The following SLAIN2 variants were observed in gnomAD, a reference collection of about 807,000 sequenced individuals.
SLAIN2 encodes SLAIN family member 2.
Under a neutral mutation model 56.6 loss-of-function variants are expected in SLAIN2, and 31 were observed. The ratio of observed to expected loss-of-function variants is 0.55; its 90% CI spans 0.41 to 0.74. The LOEUF is 0.74. SLAIN2 is among the 30% of genes least tolerant of loss of function. The pLI is 0.00. For synonymous variants in SLAIN2, 317 were observed against 284.9 expected (o/e 1.11, Z -1.13); for missense variants, 777 against 754.2 (o/e 1.03, Z -0.35).
rs769300926 is a variant in SLAIN2 at position 48,369,642 on chromosome 4, G to C, written c.390-207G>C. ...CACCTACTTTAGGAATACCTCATTT[G>C]GGTTCACTTAGTACTTGGAATTTGG... On this transcript the variant is annotated intron_variant, in intron 1 of 7. Transcript: ENST00000264313. Among the ~76,000 whole-genome samples, 118 of 152,036 alleles carry C rather than the reference G, an allele frequency of 7.8e-4. 2 individuals are homozygous for C. Among genetic ancestry groups the C allele is most frequent in the African/African-American group, 1.2e-3 (50 of 41,390 alleles).
At chr4:48,387,059 A>G (rs144172603) in intron 6 of SLAIN2, among the ~76,000 whole-genome samples, 6 of 152,298 alleles carry the variant, frequency 3.9e-5, no homozygotes, top group East Asian at 3.9e-4. Flanking sequence ...TTTACATGAT[A>G]CATGTCCAAA....
At chr4:48,398,211 T>G (rs1716459318) in intron 6 of SLAIN2, among the ~76,000 whole-genome samples, 1 of 152,196 alleles carries the variant, frequency 6.6e-6, no homozygotes, top group African/African-American at 2.4e-5. Flanking sequence ...AGATGGTATC[T>G]CATTGTTGTT....
At chr4:48,361,899 C>A (rs545156422) in intron 1 of SLAIN2, among the ~76,000 whole-genome samples, 182 of 152,124 alleles carry the variant, frequency 1.2e-3, no homozygotes, top group Non-Finnish European at 1.9e-3. Context: ...TAAATTTATT[C>A]CTGAGTATTT....
intron 7 of SLAIN2, 186 bp downstream of exon 7, chr4:48,420,629 A>G: frequency 1.3e-6 from 1 of 764,930 alleles, no homozygotes; most frequent in East Asian, 2.7e-5. Context: ...TGGGACTTTT[A>G]CCAGTTTGGT....
intron 2 of SLAIN2, among the ~76,000 whole-genome samples, chr4:48,374,257 G>A (rs1223011433): frequency 6.6e-6 from 1 of 152,034 alleles, no homozygotes; most frequent in Non-Finnish European, 1.5e-5. Flanking sequence ...TTTTTTTGGA[G>A]ACGGAGTCTT....
At chr4:48,394,742 G>C in intron 6 of SLAIN2, 5 of 923,004 alleles carry the variant, frequency 5.4e-6, no homozygotes, top group Non-Finnish European at 8.1e-6. Context: ...AGTGGTGTCT[G>C]TAAGGCACAT....
intron 1 of SLAIN2, among the ~76,000 whole-genome samples, chr4:48,355,562 T>C (rs914545743): frequency 4.6e-5 from 7 of 152,144 alleles, no homozygotes; most frequent in Non-Finnish European, 1.0e-4. Flanking sequence ...TGTTCTTATT[T>C]TTATATATAA....
At chr4:48,383,816 G>T in intron 6 of SLAIN2, 32 bp downstream of exon 6, 1 of 1,577,784 alleles carries the variant, frequency 6.3e-7, no homozygotes, top group Non-Finnish European at 8.6e-7. Flanking sequence ...TCATGTATCA[G>T]TTATTTAAAG....
At chr4:48,342,711 CTT>C (rs761272695) in intron 1 of SLAIN2, among the ~76,000 whole-genome samples, 25 of 65,942 alleles carry the variant, frequency 3.8e-4, no homozygotes, top group African/African-American at 1.1e-3. Flanking sequence ...GATGGTGCTG[CTT>C]TTTTTTTTTT....
At chr4:48,388,805 C>T (rs1225497142) in intron 6 of SLAIN2, among the ~76,000 whole-genome samples, 1 of 152,174 alleles carries the variant, frequency 6.6e-6, no homozygotes, top group Non-Finnish European at 1.5e-5. Flanking sequence ...TTGTGAATTA[C>T]CACAGACGAG....
At chr4:48,421,110 G>A (rs560912423) in intron 7 of SLAIN2, among the ~76,000 whole-genome samples, 1 of 152,192 alleles carries the variant, frequency 6.6e-6, no homozygotes, top group South Asian at 2.1e-4. Context: ...TGACCTCCCA[G>A]GCTCAAGCAA....
Position 48,369,834 on chromosome 4 carries a change from G to T in SLAIN2, c.390-15G>T. 3 of 1,596,990 alleles carry T rather than the reference G, an allele frequency of 1.9e-6. No homozygotes were observed. The highest frequency in any genetic ancestry group is 2.6e-6 in the Non-Finnish European group (3 of 1,172,928). On this transcript the variant is annotated splice_polypyrimidine_tract_variant and intron_variant, in intron 1 of 7. Coordinates refer to ENST00000264313, the MANE Select transcript of SLAIN2 (RefSeq NM_020846.2). ...CTTAATAAGGAATTTTCTGTTTTTT[G>T]TTGTCTTCTTCTAGGCTGTATTCAT...
At chr4:48,394,194 CTT>C (rs146783957) in intron 6 of SLAIN2, among the ~76,000 whole-genome samples, 1 of 152,114 alleles carries the variant, frequency 6.6e-6, no homozygotes, top group Admixed American at 6.6e-5. Flanking sequence ...CCAAAATCTG[CTT>C]TTTTTGCGTT....
Position 48,341,916 on chromosome 4 carries a change from C to A in SLAIN2, c.177C>A (p.Ser59=), listed in dbSNP as rs1161741613. 23 of 1,505,976 alleles carry A rather than the reference C, an allele frequency of 1.5e-5. 1 individual carries two copies. Among genetic ancestry groups the A allele is most frequent in the Admixed American group, 2.2e-5 (1 of 45,648 alleles). The allele number at this position is 1,505,976 out of a possible 1,614,324, so 93.3% of individuals were successfully genotyped here. ...PVRAGASIPS[S]GAASPRGFPL... is the part of the protein sequence containing the mutation. ...GGGCCGGCGCGTCCATTCCCTCCTC[C>A]GGCGCGGCGTCTCCTCGGGGCTTCC... Residue 59 remains serine (S), a synonymous_variant, in exon 1 of 8, where the codon TCC becomes TCA. Coordinates refer to ENST00000264313, the MANE Select transcript of SLAIN2 (RefSeq NM_020846.2).
intron 1 of SLAIN2, among the ~76,000 whole-genome samples, chr4:48,358,856 G>A (rs1333857595): frequency 6.6e-6 from 1 of 151,954 alleles, no homozygotes; most frequent in Non-Finnish European, 1.5e-5. Flanking sequence ...GAGTAGCTGG[G>A]ATTACAGGCT....
intron 2 of SLAIN2, among the ~76,000 whole-genome samples, chr4:48,373,294 A>G (rs1470757850): frequency 6.6e-6 from 1 of 152,098 alleles, no homozygotes; most frequent in Non-Finnish European, 1.5e-5. Flanking sequence ...TCATCATCCC[A>G]TACTGAAATT....
intron 6 of SLAIN2, among the ~76,000 whole-genome samples, chr4:48,389,809 A>G (rs191470281): frequency 2.0e-5 from 3 of 152,328 alleles, no homozygotes; most frequent in Non-Finnish European, 2.9e-5. Context: ...GATGATAGCT[A>G]TAGAGACAGG....
intron 1 of SLAIN2, among the ~76,000 whole-genome samples, chr4:48,359,559 A>G (rs932241777): frequency 4.6e-5 from 7 of 152,228 alleles, no homozygotes; most frequent in South Asian, 2.1e-4. Context: ...ATGTGAAGAA[A>G]TATATTAACA....
chr4:48,342,775 G>C (rs1157080593), intron 1 of SLAIN2, among the ~76,000 whole-genome samples: 1 of 132,486 alleles, frequency 7.5e-6, no homozygotes, highest in African/African-American at 2.8e-5. Context: ...ACGAGCCCTG[G>C]CTCTTATTTT....
Sources: gnomAD v4.1 joint callset for allele counts (sites outside exome capture counted in the v4.1 genomes callset) on GRCh38, gnomAD v4.1.1 for gene constraint, MANE v1.5 for transcripts, NCBI Gene and HGNC (gene_info 2026-07-23, HGNC 2026-07-21) for gene names.